Variants in PARD3B observed in about 807,000 individuals in gnomAD.
PARD3B encodes the protein par-3 family cell polarity regulator beta.
A neutral mutation model predicts 130.2 loss-of-function variants in PARD3B; 103 were observed. The ratio of observed to expected loss-of-function variants is 0.79; its 90% CI spans 0.67 to 0.93. PARD3B has a LOEUF of 0.93. Among genes scored for constraint, PARD3B ranks in the 40% least tolerant of loss-of-function variants. The probability of loss-of-function intolerance (pLI) is 0.00; values close to 1 mark genes in which losing one functional copy is unlikely to be tolerated. For synonymous variants in PARD3B, 583 were observed against 553.2 expected (o/e 1.05, Z -0.76); for missense variants, 1,609 against 1,499.2 (o/e 1.07, Z -1.21).
intron 18 of PARD3B, among the ~76,000 whole-genome samples, chr2:205,344,736 A>G (rs779616881): frequency 3.9e-5 from 6 of 152,128 alleles, no homozygotes; most frequent in Admixed American, 2.0e-4. Context: ...GAGTTTATGT[A>G]TTTATTTGAA....
Position 205,009,770 on chromosome 2 carries a change from CT to C in PARD3B, c.395-37807del, listed in dbSNP as rs891919831. Among the ~76,000 whole-genome samples the C allele has an allele frequency of 1.2e-3, 179 of 151,302 alleles. 1 individual carries two copies. Among genetic ancestry groups the C allele is most frequent in the African/African-American group, 4.1e-3 (168 of 41,254 alleles). On this transcript the variant is annotated intron_variant, in intron 3 of 22. Coordinates refer to ENST00000406610, the MANE Select transcript of PARD3B (RefSeq NM_001302769.2). ...GGTTATTGTAACATCTTTTTTGTTC[CT>C]TTTGGTTACCAGTACTTTGACTTTT...
intron 20 of PARD3B, among the ~76,000 whole-genome samples, chr2:205,484,288 G>C (rs1451767820): frequency 6.6e-6 from 1 of 152,106 alleles, no homozygotes; most frequent in East Asian, 1.9e-4. Flanking sequence ...AATCCTCTAG[G>C]GAAATGTTTC....
chr2:205,339,130 A>G (rs1181389086), intron 18 of PARD3B, among the ~76,000 whole-genome samples: 2 of 152,194 alleles, frequency 1.3e-5, no homozygotes. Flanking sequence ...TGATGTAATG[A>G]TAACTCAAGT....
At chr2:204,619,654 G>A (rs1015897292) in intron 1 of PARD3B, among the ~76,000 whole-genome samples, 1 of 152,048 alleles carries the variant, frequency 6.6e-6, no homozygotes, top group Non-Finnish European at 1.5e-5. Flanking sequence ...TGACTTCTGG[G>A]TGTCCATTTC....
At position 204,882,606 on chromosome 2, in the gene PARD3B, T is replaced by C. The variant is rs942416993; in HGVS notation, c.223-82546T>C. On this transcript the variant is annotated intron_variant, in intron 2 of 22. Transcript: ENST00000406610. ...AACATGCACTTTGAAAGCTGCAGGC[T>C]GGTTCTATGGGCTACAAACAAAGAG... 6.6e-5 allele frequency among the ~76,000 whole-genome samples: 10 copies of C among 152,246 alleles called. No individual in the cohort carries two copies. In the South Asian group the frequency reaches 2.1e-3, roughly 31 times the overall value.
intron 1 of PARD3B, among the ~76,000 whole-genome samples, chr2:204,587,120 A>AT (rs557883052): frequency 1.2e-4 from 18 of 151,530 alleles, no homozygotes; most frequent in East Asian, 7.7e-4. Context: ...GTATGCATGT[A>AT]TTTTTTTTTA....
intron 21 of PARD3B, among the ~76,000 whole-genome samples, chr2:205,510,128 A>C (rs1575202862): frequency 6.6e-6 from 1 of 152,302 alleles, no homozygotes; most frequent in East Asian, 1.9e-4. Flanking sequence ...CTCACTAGGT[A>C]AATTTGGGCA....
At chr2:205,332,150 A>T (rs187707544) in intron 18 of PARD3B, among the ~76,000 whole-genome samples, 1 of 152,292 alleles carries the variant, frequency 6.6e-6, no homozygotes, top group Non-Finnish European at 1.5e-5. Flanking sequence ...TCATTGTAAT[A>T]TAAAAGATAG....
chr2:205,278,465 G>C (rs528474912), intron 16 of PARD3B, among the ~76,000 whole-genome samples: 2 of 152,090 alleles, frequency 1.3e-5, no homozygotes, highest in Non-Finnish European at 2.9e-5. Context: ...AGACCATTTT[G>C]AGGTTGAGGA....
chr2:205,226,652 A>G (rs1296234371), intron 15 of PARD3B, among the ~76,000 whole-genome samples: 1 of 152,130 alleles, frequency 6.6e-6, no homozygotes, highest in Middle Eastern at 3.2e-3. Flanking sequence ...CTTATTTGTC[A>G]AAAATAAGTT....
chr2:205,129,670 C>T (rs776135235), intron 10 of PARD3B, among the ~76,000 whole-genome samples: 23 of 152,206 alleles, frequency 1.5e-4, no homozygotes, highest in East Asian at 1.9e-4. Context: ...TGCTGTTCTG[C>T]GAGCTCTGTA....
chr2:204,747,135 A>G (rs2125377871), intron 2 of PARD3B, among the ~76,000 whole-genome samples: 1 of 152,220 alleles, frequency 6.6e-6, no homozygotes, highest in Middle Eastern at 3.4e-3. Flanking sequence ...TCTTTAATCC[A>G]TCTTTAATTG....
At chr2:205,464,069 A>G (rs1465727928) in intron 20 of PARD3B, among the ~76,000 whole-genome samples, 1 of 152,058 alleles carries the variant, frequency 6.6e-6, no homozygotes, top group African/African-American at 2.4e-5. Flanking sequence ...GAATTGCAGT[A>G]TATTGTTTTC....
chr2:205,221,029 T>C (rs917243742), intron 15 of PARD3B, among the ~76,000 whole-genome samples: 20 of 152,224 alleles, frequency 1.3e-4, no homozygotes, highest in African/African-American at 4.6e-4. Context: ...ACTGGGAGGC[T>C]TTAAGCAAGG....
chr2:204,931,450 A>G (rs1290235668), intron 2 of PARD3B, among the ~76,000 whole-genome samples: 1 of 152,098 alleles, frequency 6.6e-6, no homozygotes, highest in African/African-American at 2.4e-5. Flanking sequence ...GAGAAGGCCC[A>G]TTTAATGATA....
intron 2 of PARD3B, among the ~76,000 whole-genome samples, chr2:204,773,258 T>TA (rs2041466414): frequency 6.6e-6 from 1 of 151,948 alleles, no homozygotes; most frequent in South Asian, 2.1e-4. Flanking sequence ...TAGAGTCTCT[T>TA]ACGGAGTAAA....
At chr2:205,102,926 G>T (rs891781121) in intron 4 of PARD3B, among the ~76,000 whole-genome samples, 3 of 151,854 alleles carry the variant, frequency 2.0e-5, no homozygotes, top group Non-Finnish European at 4.4e-5. Flanking sequence ...AAATTAGCCG[G>T]GTGTGGTGGT....
chr2:204,732,526 A>G lies in PARD3B; in HGVS notation c.222+46244A>G, dbSNP rs531159743. ...GGATATCTTTTTTTTTTTTTTTGAGACGGAGTCTCGCTCTGTCGCCCAGGC... is the reference window on the plus strand; with the variant it reads ...GGATATCTTTTTTTTTTTTTTTGAGGCGGAGTCTCGCTCTGTCGCCCAGGC... On this transcript the variant is annotated intron_variant, in intron 2 of 22. Coordinates refer to ENST00000406610, the MANE Select transcript of PARD3B (RefSeq NM_001302769.2). Among the ~76,000 whole-genome samples the G allele has an allele frequency of 1.0e-4, 15 of 144,556 alleles. 1 individual carries two copies. The South Asian group carries it at 2.8e-3, about 27-fold the overall frequency. 94.8% of individuals were successfully genotyped at this position (144,556 alleles called of 152,430 possible).
intron 20 of PARD3B, among the ~76,000 whole-genome samples, chr2:205,456,119 A>T (rs2048265585): frequency 6.6e-6 from 1 of 152,058 alleles, no homozygotes; most frequent in South Asian, 2.1e-4. Flanking sequence ...GGGTATCACT[A>T]GTTCATTTCT....
Sources: allele counts gnomAD v4.1 joint callset (sites outside exome capture counted in the v4.1 genomes callset), GRCh38; gene constraint gnomAD v4.1.1; transcripts MANE v1.5; gene names NCBI Gene and HGNC (gene_info 2026-07-23, HGNC 2026-07-21).